Variants in NSL1 observed in about 807,000 individuals in gnomAD.
The protein encoded by NSL1 is kinetochore-associated protein NSL1 homolog.
In NSL1, 11 loss-of-function variants were observed where a neutral mutation model predicts 25.4. The observed-to-expected ratio is 0.43, with a 90% confidence interval of 0.27 to 0.72. The LOEUF is 0.72. Among genes scored for constraint, NSL1 ranks in the 30% least tolerant of loss-of-function variants. The pLI, the probability that NSL1 is intolerant of heterozygous loss-of-function variation, is 0.19. For synonymous variants in NSL1, 118 were observed against 120.6 expected (o/e 0.98, Z 0.14); for missense variants, 330 against 342.7 (o/e 0.96, Z 0.29).
chr1:212,772,161 A>G (rs80191533), intron 4 of NSL1, among the ~76,000 whole-genome samples: 3,470 of 152,190 alleles, frequency 0.023, 63 homozygotes, highest in South Asian at 0.042. Context: ...CCATTAAACC[A>G]CTCTTACTTT....
Position 212,727,823 on chromosome 1 carries a change from G to A in NSL1, c.*10585C>T. On this transcript the variant is annotated 3_prime_UTR_variant, in exon 6 of 6. Coordinates refer to ENST00000366977, the MANE Select transcript of NSL1 (RefSeq NM_015471.4). The stretch of plus-strand genomic sequence containing the variant: ...CTTTCTTAGACACTAGTATTACATA[G>A]TAATATTCACTATTCGTTAACTGCT... 1.0e-6 allele frequency: 1 copy of A among 983,422 alleles called. No homozygotes were observed. 60.9% of individuals were successfully genotyped at this position (983,422 alleles called of 1,614,324 possible). A position where few individuals can be genotyped will look rare whatever the true frequency, so the allele number is the denominator to read the frequency against.
chr1:212,729,796 A>G lies in NSL1; in HGVS notation c.*8612T>C, dbSNP rs1220757698. 1.0e-6 allele frequency: 1 copy of G among 985,310 alleles called. No homozygotes were observed. The highest frequency in any genetic ancestry group is 6.1e-5 in the Admixed American group (1 of 16,262). 61.0% of individuals were successfully genotyped at this position (985,310 alleles called of 1,614,324 possible). On this transcript the variant is annotated 3_prime_UTR_variant, in exon 6 of 6. Transcript: ENST00000366977. ...TATAAAACGGCTCAAAAGAACAGCT[A>G]GAACATGGAAAAAGCAATGTAATCA...
chr1:212,779,242 G>C lies in NSL1; in HGVS notation c.499+3130C>G, dbSNP rs1468410916. Reference sequence around the variant, plus strand: ...GTCTGGGAGGGAGGTGGGGGGTGGGGTCAGCCCCCCTCCCGGCCAGCCGCC... The same window carrying C: ...GTCTGGGAGGGAGGTGGGGGGTGGGCTCAGCCCCCCTCCCGGCCAGCCGCC... On this transcript the variant is annotated intron_variant, in intron 4 of 5. Transcript: ENST00000366977. 9.3e-4 allele frequency among the ~76,000 whole-genome samples: 139 copies of C among 149,404 alleles called. 1 individual carries two copies. In the East Asian group the frequency reaches 0.016, roughly 17 times the overall value.
At position 212,729,802 on chromosome 1, in the gene NSL1, T is replaced by C. The variant is rs1558032698; in HGVS notation, c.*8606A>G. ...ACGGCTCAAAAGAACAGCTAGAACA[T>C]GGAAAAAGCAATGTAATCAGCTGGT... On this transcript the variant is annotated 3_prime_UTR_variant, in exon 6 of 6. Transcript: ENST00000366977. 1 of 985,032 alleles carries C rather than the reference T, an allele frequency of 1.0e-6. No homozygotes were observed. Among genetic ancestry groups the C allele is most frequent in the African/African-American group, 1.8e-5 (1 of 57,122 alleles). 61.0% of individuals were successfully genotyped at this position (985,032 alleles called of 1,614,324 possible).
rs1657897044 is a variant in NSL1, at chr1:212,728,972, G to T, written c.*9436C>A. ...TTGAATATGAAAGAAAAAGAAATGA[G>T]GAGTAATTTTAGTAAGGAGGATTTC... On this transcript the variant is annotated 3_prime_UTR_variant, in exon 6 of 6. Coordinates refer to ENST00000366977, the MANE Select transcript of NSL1 (RefSeq NM_015471.4). 1.0e-6 allele frequency: 1 copy of T among 985,074 alleles called. No individual in the cohort carries two copies. Among genetic ancestry groups the T allele is most frequent in the Non-Finnish European group, 1.2e-6 (1 of 829,780 alleles). 61.0% of individuals were successfully genotyped at this position (985,074 alleles called of 1,614,324 possible).
intron 3 of NSL1, among the ~76,000 whole-genome samples, chr1:212,782,887 T>G (rs1295030425): frequency 6.6e-6 from 1 of 152,140 alleles, no homozygotes; most frequent in Non-Finnish European, 1.5e-5. Context: ...ACACTGAAAT[T>G]ATAGTAGCAG....
At position 212,731,647 on chromosome 1, in the gene NSL1, C is replaced by T. The variant is rs74726255; in HGVS notation, c.*6761G>A. The T allele has an allele frequency of 0.032, 31,704 of 985,424 alleles. 554 individuals carry two copies. The highest frequency in any genetic ancestry group is 0.044 in the South Asian group (932 of 21,286). The allele number at this position is 985,424 out of a possible 1,614,324, so 61.0% of individuals were successfully genotyped here. ...TCCACAGAGTTAATACTTCCCACTT[C>T]GTCAGCTCTTTATTCTGCTGCACTA... On this transcript the variant is annotated 3_prime_UTR_variant, in exon 6 of 6. Coordinates refer to ENST00000366977, the MANE Select transcript of NSL1 (RefSeq NM_015471.4).
At position 212,727,523 on chromosome 1, in the gene NSL1, A is replaced by C; in HGVS notation, c.*10885T>G. On this transcript the variant is annotated 3_prime_UTR_variant, in exon 6 of 6. Coordinates refer to ENST00000366977, the MANE Select transcript of NSL1 (RefSeq NM_015471.4). ...TTTAGGTTAATATCATAACTATACC[A>C]CTGGAGAGAAAGGACAATGAATTAG... 1.0e-6 allele frequency: 1 copy of C among 985,398 alleles called. No homozygotes were observed. The highest frequency in any genetic ancestry group is 1.2e-6 in the Non-Finnish European group (1 of 829,902). 61.0% of individuals were successfully genotyped at this position (985,398 alleles called of 1,614,324 possible).
chr1:212,740,441 A>G (rs766011954), intron 4 of NSL1, among the ~76,000 whole-genome samples: 3 of 152,156 alleles, frequency 2.0e-5, no homozygotes, highest in Non-Finnish European at 4.4e-5. Context: ...CACTCAAAGA[A>G]GGAGACAGAC....
chr1:212,791,741 A>G lies in NSL1; in HGVS notation c.23T>C (p.Val8Ala), dbSNP rs754308390. 2 of 1,610,672 alleles carry G rather than the reference A, an allele frequency of 1.2e-6. No homozygotes were observed. Residue 8 changes from valine to alanine, a missense_variant, in exon 1 of 6, where the codon GTG becomes GCG. Transcript: ENST00000366977. Reference protein sequence around the residue: MAGSPELVVLDPPWDKEL... With the variant: MAGSPELAVLDPPWDKEL... ...CTTGTCCCATGGAGGGTCAAGGACC[A>G]CCAACTCAGGAGACCCCGCCATTTT...
chr1:212,782,479 C>T (rs1325752122), intron 3 of NSL1, 53 bp from the exon 4 acceptor site: 2 of 1,240,176 alleles, frequency 1.6e-6, no homozygotes, highest in Non-Finnish European at 2.4e-6. Flanking sequence ...TTCATATAAA[C>T]ATCTCTTTCA....
At chr1:212,758,252 G>A (rs559830099) in intron 4 of NSL1, among the ~76,000 whole-genome samples, 11 of 152,244 alleles carry the variant, frequency 7.2e-5, no homozygotes, top group African/African-American at 2.2e-4. Flanking sequence ...GAGAAAATCC[G>A]AAAAGTCAGA....
At chr1:212,790,842 G>A (rs1302644796) in intron 1 of NSL1, among the ~76,000 whole-genome samples, 1 of 151,800 alleles carries the variant, frequency 6.6e-6, no homozygotes, top group Non-Finnish European at 1.5e-5. Context: ...AGAATGGCGT[G>A]AACCCAGGAG....
chr1:212,748,293 T>C (rs976801819), intron 4 of NSL1, among the ~76,000 whole-genome samples: 2 of 152,236 alleles, frequency 1.3e-5, no homozygotes, highest in African/African-American at 4.8e-5. Context: ...GAAGTATAAA[T>C]TGAAATAACC....
At chr1:212,754,900 C>T (rs1659235522) in intron 4 of NSL1, among the ~76,000 whole-genome samples, 1 of 152,090 alleles carries the variant, frequency 6.6e-6, no homozygotes, top group East Asian at 1.9e-4. Context: ...CTGGACCAAT[C>T]TCCAGTGTCA....
chr1:212,748,159 A>C (rs2102439098), intron 4 of NSL1, among the ~76,000 whole-genome samples: 1 of 152,368 alleles, frequency 6.6e-6, no homozygotes, highest in Non-Finnish European at 1.5e-5. Context: ...AAATATATTT[A>C]ATGATATGAT....
Position 212,737,655 on chromosome 1 carries a change from G to C in NSL1, c.*753C>G, listed in dbSNP as rs922056123. On this transcript the variant is annotated 3_prime_UTR_variant, in exon 6 of 6. Coordinates refer to ENST00000366977, the MANE Select transcript of NSL1 (RefSeq NM_015471.4). ...TCTGATATATATTTTGAACTGGAAT[G>C]ATTTGTAAAGAAATAAATAAGAAAC... The C allele has an allele frequency of 2.1e-6, 2 of 949,760 alleles. No homozygotes were observed. The highest frequency in any genetic ancestry group is 2.5e-6 in the Non-Finnish European group (2 of 797,606). The allele number at this position is 949,760 out of a possible 1,614,324, so 58.8% of individuals were successfully genotyped here.
At chr1:212,788,806 A>G (rs1172360531) in intron 1 of NSL1, among the ~76,000 whole-genome samples, 1 of 152,250 alleles carries the variant, frequency 6.6e-6, no homozygotes, top group East Asian at 1.9e-4. Context: ...AGTACCTAAA[A>G]AGGATGAAGA....
Position 212,737,156 on chromosome 1 carries a change from C to A in NSL1, c.*1252G>T, listed in dbSNP as rs1281711206. ...TAAGACAACTCATAAAAATACACAG[C>A]ATCAAGATCAGTCTTTGTACATTAT... On this transcript the variant is annotated 3_prime_UTR_variant, in exon 6 of 6. Transcript: ENST00000366977. 1 of 985,138 alleles carries A rather than the reference C, an allele frequency of 1.0e-6. No individual in the cohort carries two copies. The highest frequency in any genetic ancestry group is 1.2e-6 in the Non-Finnish European group (1 of 829,810). The allele number at this position is 985,138 out of a possible 1,614,324, so 61.0% of individuals were successfully genotyped here. A position where few individuals can be genotyped will look rare whatever the true frequency, so the allele number is the denominator to read the frequency against.
Sources: allele counts gnomAD v4.1 joint callset (sites outside exome capture counted in the v4.1 genomes callset), GRCh38; gene constraint gnomAD v4.1.1; transcripts MANE v1.5; gene names NCBI Gene and HGNC (gene_info 2026-07-23, HGNC 2026-07-21).